ANGPT1: variants seen among roughly 807,000 people sequenced by gnomAD.
ANGPT1 encodes angiopoietin-1.
Under a neutral mutation model 62.2 loss-of-function variants are expected in ANGPT1, and 17 were observed. That is an observed-to-expected ratio of 0.27 (90% CI 0.19 to 0.41). The LOEUF (loss-of-function observed/expected upper bound fraction) is 0.41. ANGPT1 is among the 10% of genes least tolerant of loss of function. ANGPT1 has a pLI of 1.00. For missense variants in ANGPT1, 478 were observed against 594.9 expected (o/e 0.80, Z 2.04); for synonymous variants, 199 against 198.9 (o/e 1.00, Z 0.00).
chr8:107,428,553 G>C (rs1283697), intron 1 of ANGPT1, among the ~76,000 whole-genome samples: 124,334 of 152,092 alleles, frequency 0.82, 50,892 homozygotes, highest in East Asian at 0.84. Context: ...CCCACACACT[G>C]TTTTTTGATG....
At chr8:107,400,869 T>G (rs538745540) in intron 1 of ANGPT1, among the ~76,000 whole-genome samples, 177 of 77,998 alleles carry the variant, frequency 2.3e-3, no homozygotes, top group African/African-American at 8.8e-3. Context: ...AGATATTTCT[T>G]TTTAAAGTAA....
intron 1 of ANGPT1, among the ~76,000 whole-genome samples, chr8:107,461,037 C>T (rs979073732): frequency 5.3e-5 from 8 of 151,938 alleles, no homozygotes; most frequent in South Asian, 2.1e-4. Flanking sequence ...CAAAGCTAAA[C>T]GAAAAATATG....
chr8:107,474,436 A>C (rs1415856736), intron 1 of ANGPT1, among the ~76,000 whole-genome samples: 2 of 152,180 alleles, frequency 1.3e-5, no homozygotes, highest in Non-Finnish European at 2.9e-5. Context: ...GACATATCTC[A>C]AAATAACAAG....
intron 1 of ANGPT1, among the ~76,000 whole-genome samples, chr8:107,408,981 A>G (rs910878419): frequency 1.3e-5 from 2 of 152,196 alleles, no homozygotes; most frequent in Admixed American, 6.6e-5. Context: ...TCATTTGCTC[A>G]TTCATTCATT....
chr8:107,337,913 G>A (rs1264128130), intron 2 of ANGPT1, among the ~76,000 whole-genome samples: 2 of 151,906 alleles, frequency 1.3e-5, no homozygotes, highest in African/African-American at 4.8e-5. Context: ...TGGGTAACAC[G>A]GCAAAACCCC....
chr8:107,332,244 A>AT (rs1244427150), intron 3 of ANGPT1, among the ~76,000 whole-genome samples: 1 of 152,064 alleles, frequency 6.6e-6, no homozygotes, highest in Non-Finnish European at 1.5e-5. Context: ...AATGTTTCCC[A>AT]TTTACTTAGG....
In ANGPT1 at chr8:107,337,867, G is replaced by C. The variant is rs558370718; in HGVS notation, c.454-1596C>G. Among the ~76,000 whole-genome samples the C allele has an allele frequency of 2.2e-3, 341 of 152,206 alleles. 5 individuals are homozygous for C. The highest frequency in any genetic ancestry group is 7.9e-3 in the African/African-American group (330 of 41,522). ...CCCAACCCTTTGGGAGGCTGTAGCA[G>C]GTGGCTTGCTTGAGCTCAGGAGTTC... On this transcript the variant is annotated intron_variant, in intron 2 of 8. Transcript: ENST00000517746.
At chr8:107,350,408 A>G (rs1191457670) in intron 1 of ANGPT1, among the ~76,000 whole-genome samples, 2 of 152,074 alleles carry the variant, frequency 1.3e-5, no homozygotes, top group Non-Finnish European at 2.9e-5. Flanking sequence ...CTCCAGGTGT[A>G]ATAACAATCA....
At chr8:107,280,706 T>C (rs1372517727) in intron 7 of ANGPT1, among the ~76,000 whole-genome samples, 1 of 152,156 alleles carries the variant, frequency 6.6e-6, no homozygotes, top group Non-Finnish European at 1.5e-5. Context: ...GGAGAGTGTA[T>C]GGCAGCAATA....
intron 1 of ANGPT1, among the ~76,000 whole-genome samples, chr8:107,436,478 G>A (rs1178685738): frequency 1.3e-5 from 2 of 152,136 alleles, no homozygotes; most frequent in Non-Finnish European, 2.9e-5. Flanking sequence ...TGGGTCTCAC[G>A]TTATTCAAGC....
chr8:107,358,847 T>C (rs1816104554), intron 1 of ANGPT1, among the ~76,000 whole-genome samples: 1 of 152,204 alleles, frequency 6.6e-6, no homozygotes, highest in East Asian at 1.9e-4. Context: ...CTGCCATACC[T>C]ACTTAACAGA....
chr8:107,457,860 A>ACACACG (rs1554596407), intron 1 of ANGPT1, among the ~76,000 whole-genome samples: 9 of 142,330 alleles, frequency 6.3e-5, no homozygotes, highest in African/African-American at 1.1e-4. Flanking sequence ...ACACACACAC[A>ACACACG]CACACACCAA....
intron 1 of ANGPT1, among the ~76,000 whole-genome samples, chr8:107,359,445 G>A (rs73702046): frequency 3.7e-4 from 57 of 152,112 alleles, no homozygotes; most frequent in African/African-American, 1.4e-3. Flanking sequence ...GCAATTAGGG[G>A]GTTGAGAAAG....
chr8:107,288,686 A>G (rs534582511), intron 6 of ANGPT1, among the ~76,000 whole-genome samples: 2 of 152,294 alleles, frequency 1.3e-5, no homozygotes, highest in East Asian at 3.9e-4. Context: ...AAAAGAACAT[A>G]TTAATTAAAT....
rs1485871900 is a variant in ANGPT1, at chr8:107,317,232, A to C, written c.808+4664T>G. On this transcript the variant is annotated intron_variant, in intron 4 of 8. Transcript: ENST00000517746. ...TCCTTAAAGCCACAGAATGAAATAC[A>C]TCTTTTCTTCTTCCCAGTAGTCTGA... Among the ~76,000 whole-genome samples, 7 of 152,232 alleles carry C rather than the reference A, an allele frequency of 4.6e-5. No individual in the cohort carries two copies. In the East Asian group the frequency reaches 1.2e-3, roughly 25 times the overall value.
intron 1 of ANGPT1, among the ~76,000 whole-genome samples, chr8:107,388,653 TGCTTTATTGCAGAATTTTCAAC>T (rs1816778961): frequency 6.6e-6 from 1 of 152,148 alleles, no homozygotes; most frequent in Non-Finnish European, 1.5e-5. Context: ...AGAGTGGACC[TGCTTTATTGCAGAATTTTCAAC>T]GCACACCCGT....
intron 1 of ANGPT1, among the ~76,000 whole-genome samples, chr8:107,409,032 G>T (rs746737395): frequency 2.2e-4 from 34 of 151,580 alleles, no homozygotes; most frequent in Non-Finnish European, 4.1e-4. Context: ...CTCAAATTTG[G>T]AAAGCTAAAG....
intron 8 of ANGPT1, among the ~76,000 whole-genome samples, chr8:107,263,762 T>C (rs1563540045): frequency 2.0e-5 from 3 of 152,234 alleles, no homozygotes; most frequent in Non-Finnish European, 4.4e-5. Flanking sequence ...CTGGTATAGC[T>C]GGTCTGAACT....
At chr8:107,461,428 C>T (rs1310475655) in intron 1 of ANGPT1, among the ~76,000 whole-genome samples, 7 of 152,104 alleles carry the variant, frequency 4.6e-5, no homozygotes, top group Admixed American at 2.6e-4. Flanking sequence ...GCTTAAGATT[C>T]GGTCCTATCA....
Sources: allele counts gnomAD v4.1 joint callset (sites outside exome capture counted in the v4.1 genomes callset), GRCh38; gene constraint gnomAD v4.1.1; transcripts MANE v1.5; gene names NCBI Gene and HGNC (gene_info 2026-07-23, HGNC 2026-07-21).